The following PSMC6 variants were observed in gnomAD, a reference collection of about 807,000 sequenced individuals.
The protein encoded by PSMC6 is proteasome 26S subunit, ATPase 6.
PSMC6 carries 3 observed loss-of-function variants against 55.9 expected under a neutral mutation model. The observed-to-expected ratio is 0.05, with a 90% CI of 0.02 to 0.14. The LOEUF is 0.14. Among genes scored for constraint, PSMC6 ranks in the 10% least tolerant of loss-of-function variants. PSMC6 has a pLI of 1.00. For missense variants in PSMC6, 210 were observed against 478.7 expected, an observed-to-expected ratio of 0.44 and a Z score of 5.24; for synonymous variants, 137 against 155.9, an observed-to-expected ratio of 0.88 and a Z score of 0.90.
chr14:52,719,981 T>A (rs2041870611), intron 10 of PSMC6, among the ~76,000 whole-genome samples: 1 of 152,056 alleles, frequency 6.6e-6, no homozygotes, highest in Admixed American at 6.6e-5. Context: ...TCCCAGCACT[T>A]TGGGAGGCCC....
intron 12 of PSMC6, chr14:52,722,766 G>A (rs1880252023): frequency 1.3e-5 from 2 of 152,268 alleles, no homozygotes. Flanking sequence ...AACACACAAA[G>A]TTTTGTTGTA....
intron 7 of PSMC6, among the ~76,000 whole-genome samples, chr14:52,716,595 A>G (rs1305359088): frequency 6.6e-6 from 1 of 152,158 alleles, no homozygotes; most frequent in African/African-American, 2.4e-5. Context: ...CTCTGCTGAA[A>G]ATACAAAATT....
Position 52,714,233 on chromosome 14 carries a change from A to G in PSMC6, c.529+265A>G, listed in dbSNP as rs146512610. ...TTTTTGTATGTTTTGTAGAGAAGCAATTTTGCCATATTGCTCAGGCTATCT... is the reference window on the plus strand; with the variant it reads ...TTTTTGTATGTTTTGTAGAGAAGCAGTTTTGCCATATTGCTCAGGCTATCT... On this transcript the variant is annotated intron_variant, in intron 7 of 13. Transcript: ENST00000445930. 3.0e-3 allele frequency among the ~76,000 whole-genome samples: 453 copies of G among 151,938 alleles called. 3 individuals carry two copies. Among genetic ancestry groups the G allele is most frequent in the African/African-American group, 0.01 (425 of 41,426 alleles).
Position 52,727,527 on chromosome 14 carries a change from T to G in PSMC6, c.1080T>G (p.Asp360Glu). The G allele has an allele frequency of 6.2e-7, 1 of 1,611,980 alleles. No homozygotes were observed. Among genetic ancestry groups the G allele is most frequent in the Non-Finnish European group, 8.5e-7 (1 of 1,179,626 alleles). ...TGTTCGCAATTCGTGCTGATCATGA[T>G]TTTGTAGTACAGGAAGACTTCATGA... ...AGMFAIRADHDFVVQEDFMKA... is the reference protein window; with the variant it reads ...AGMFAIRADHEFVVQEDFMKA... The change falls in exon 14 of 14, where the codon GAT becomes GAG. Residue 360 changes from aspartate (D) to glutamate (E), a missense_variant. Asp to Glu is a conservative substitution (Grantham distance 45). This residue lies in a region of PSMC6 where 79 missense variants were observed against 158.7 expected (regional missense o/e 0.50). Coordinates refer to ENST00000445930, the MANE Select transcript of PSMC6 (RefSeq NM_002806.5).
rs770064263 is a variant in PSMC6, at chr14:52,721,164, G to A, written c.953G>A (p.Gly318Asp). The change falls in exon 12 of 14, where the codon GGT (glycine) becomes GAT (aspartate). Residue 318 changes from glycine to aspartate, a missense_variant. This residue lies in a region of PSMC6 where 79 missense variants were observed against 158.7 expected (regional missense o/e 0.50). Transcript: ENST00000445930. ...TTAGACATACTGAAAATCCATGCAG[G>A]TCCCATTACAAAGCATGGTGAAATA... ...ARLDILKIHA[G>D]PITKHGEIDY... is the part of the protein sequence containing the mutation. 6.3e-7 allele frequency: 1 copy of A among 1,593,894 alleles called. No homozygotes were observed. The highest frequency in any genetic ancestry group is 8.5e-7 in the Non-Finnish European group (1 of 1,172,704).
intron 4 of PSMC6, 36 bp from the exon 5 acceptor site, chr14:52,711,065 A>G: frequency 6.7e-7 from 1 of 1,498,784 alleles, no homozygotes; most frequent in Non-Finnish European, 9.3e-7. Context: ...TCCGTTTTTA[A>G]GTGTTGATGT....
chr14:52,722,262 T>C (rs556170399), intron 12 of PSMC6: 1 of 152,328 alleles, frequency 6.6e-6, no homozygotes, highest in South Asian at 2.1e-4. Flanking sequence ...GCATTGAGTT[T>C]AGACATTTCT....
chr14:52,709,738 T>C, intron 4 of PSMC6: 1 of 284,668 alleles, frequency 3.5e-6, no homozygotes, highest in Non-Finnish European at 6.9e-6. Context: ...GATTTTGGCT[T>C]TTTTTTTTTC....
intron 13 of PSMC6, among the ~76,000 whole-genome samples, chr14:52,725,249 G>A (rs185355524): frequency 6.6e-6 from 1 of 152,256 alleles, no homozygotes; most frequent in East Asian, 1.9e-4. Context: ...GAACCTAAAG[G>A]CTGTTGCTAT....
chr14:52,718,324 C>T lies in PSMC6; in HGVS notation c.687C>T (p.Ile229=). Residue 229 remains isoleucine, a synonymous_variant, in exon 9 of 14, where the codon ATC becomes ATT. Coordinates refer to ENST00000445930, the MANE Select transcript of PSMC6 (RefSeq NM_002806.5). ...ATGCTAGAGATCATCAACCATGCAT[C>T]ATTTTTATGGATGAAATAGATGCTA... ...FNYARDHQPC[I]IFMDEIDAIG... 6.2e-7 allele frequency: 1 copy of T among 1,613,344 alleles called. No individual in the cohort carries two copies.
At position 52,713,858 on chromosome 14, in the gene PSMC6, G is replaced by C. The variant is rs759119380; in HGVS notation, c.442-23G>C. 17 of 1,475,760 alleles carry C rather than the reference G, an allele frequency of 1.2e-5. No homozygotes were observed. In the East Asian group the frequency reaches 3.9e-4, roughly 34 times the overall value. The allele number at this position is 1,475,760 out of a possible 1,614,324, so 91.4% of individuals were successfully genotyped here. A position where few individuals can be genotyped will look rare whatever the true frequency, so the allele number is the denominator to read the frequency against. ...TTAAAAATCTTGACTAACTTTTTAA[G>C]AAAGATTTAACTTCTTTTCTAGGTG... On this transcript the variant is annotated intron_variant, in intron 6 of 13. Transcript: ENST00000445930.
At chr14:52,715,200 A>G (rs2041818095) in intron 7 of PSMC6, among the ~76,000 whole-genome samples, 1 of 152,188 alleles carries the variant, frequency 6.6e-6, no homozygotes, top group Non-Finnish European at 1.5e-5. Flanking sequence ...ATTTTGTTAA[A>G]TCTTCATCTT....
At chr14:52,718,481 A>G (rs2041854462) in intron 9 of PSMC6, 129 bp downstream of exon 9, 1 of 1,069,480 alleles carries the variant, frequency 9.4e-7, no homozygotes. Flanking sequence ...TGTTAGTTTA[A>G]CCAATTTTAA....
intron 7 of PSMC6, among the ~76,000 whole-genome samples, chr14:52,717,643 G>T (rs750002775): frequency 1.3e-5 from 2 of 151,584 alleles, no homozygotes; most frequent in Admixed American, 6.6e-5. Flanking sequence ...AATTTTAAAT[G>T]AAAATTCTAT....
intron 4 of PSMC6, chr14:52,709,506 G>A (rs1222076592): frequency 1.1e-5 from 5 of 436,784 alleles, no homozygotes; most frequent in African/African-American, 8.3e-5. Context: ...TAGTATATAA[G>A]CGGTTGACAT....
intron 10 of PSMC6, among the ~76,000 whole-genome samples, chr14:52,720,303 G>A (rs2041876082): frequency 7.6e-6 from 1 of 130,796 alleles, no homozygotes; most frequent in Non-Finnish European, 1.6e-5. Flanking sequence ...AGGAGGTGAA[G>A]GTTGCAGTGA....
At chr14:52,725,969 AC>A (rs1383460722) in intron 13 of PSMC6, among the ~76,000 whole-genome samples, 2 of 152,326 alleles carry the variant, frequency 1.3e-5, no homozygotes, top group East Asian at 3.9e-4. Flanking sequence ...ATTTCCATTC[AC>A]CCGGTTTCTA....
intron 7 of PSMC6, among the ~76,000 whole-genome samples, chr14:52,716,810 TA>T (rs1361232347): frequency 2.0e-5 from 3 of 152,020 alleles, no homozygotes; most frequent in Non-Finnish European, 4.4e-5. Context: ...TATTCAGCCT[TA>T]AAAAAGGAAA....
Sources: allele counts gnomAD v4.1 joint callset (sites outside exome capture counted in the v4.1 genomes callset), GRCh38; gene constraint gnomAD v4.1.1; regional missense constraint gnomAD v4.1.1; transcripts MANE v1.5; gene names NCBI Gene and HGNC (gene_info 2026-07-23, HGNC 2026-07-21).